The following UBXN11 variants were observed in gnomAD, a reference collection of about 807,000 sequenced individuals.
The protein encoded by UBXN11 is UBX domain protein 11.
Under a neutral mutation model 62.8 loss-of-function variants are expected in UBXN11, and 47 were observed. The ratio of observed to expected loss-of-function variants is 0.75; its 90% CI spans 0.59 to 0.95. The LOEUF (loss-of-function observed/expected upper bound fraction) is 0.95, where lower values mean the gene tolerates loss of function less well. Ranked by LOEUF, UBXN11 falls within the 40% of genes least tolerant of loss-of-function variation. The pLI is 0.00. For synonymous variants in UBXN11, 294 were observed against 267.0 expected, an observed-to-expected ratio of 1.10 and a Z score of -0.99; for missense variants, 638 against 661.7, an observed-to-expected ratio of 0.96 and a Z score of 0.39.
At chr1:26,284,681 A>G (rs1570080880) in intron 10 of UBXN11, 199 bp from the exon 11 acceptor site, 3 of 1,342,730 alleles carry the variant, frequency 2.2e-6, no homozygotes, top group Middle Eastern at 5.6e-4. Flanking sequence ...TCCTGTAAGC[A>G]CCCCATCCAC....
chr1:26,290,812 T>C (rs570716075), intron 8 of UBXN11, among the ~76,000 whole-genome samples: 21 of 139,496 alleles, frequency 1.5e-4, no homozygotes, highest in Non-Finnish European at 2.6e-4. Flanking sequence ...AACAGGGAAG[T>C]AGTGAGGAGT....
intron 14 of UBXN11, 22 bp from the exon 15 acceptor site, chr1:26,282,591 T>G: frequency 2.5e-6 from 4 of 1,610,928 alleles, no homozygotes; most frequent in Non-Finnish European, 3.4e-6. Context: ...GCAGAGCAGA[T>G]CAGGCTGGGC....
At chr1:26,301,050 C>T (rs1303524066) in intron 3 of UBXN11, 26 bp from the exon 4 acceptor site, 6 of 1,613,998 alleles carry the variant, frequency 3.7e-6, no homozygotes, top group Admixed American at 1.7e-5. Context: ...CCTAGGTCAC[C>T]GCTCTGGGGC....
In UBXN11 at chr1:26,286,173, C is replaced by T. The variant is rs117437771; in HGVS notation, c.560-136G>A. On this transcript the variant is annotated intron_variant, in intron 8 of 14. Transcript: ENST00000374222. ...ACTGACTGCCTGGGGAAAAGGACAA[C>T]GCTAGATAATAACAGCAGCTGTCTT... 1.8e-3 allele frequency: 1,289 copies of T among 699,096 alleles called. 48 individuals carry two copies. The East Asian group carries it at 0.037, about 20-fold the overall frequency. 43.3% of individuals were successfully genotyped at this position (699,096 alleles called of 1,614,324 possible).
intron 10 of UBXN11, chr1:26,284,751 G>T: frequency 8.0e-7 from 1 of 1,243,850 alleles, no homozygotes; most frequent in South Asian, 2.4e-5. Context: ...GGAGCCTACC[G>T]TGAAGGCAGA....
intron 4 of UBXN11, 92 bp downstream of exon 4, chr1:26,300,834 G>A (rs375263733): frequency 4.0e-5 from 63 of 1,588,150 alleles, no homozygotes; most frequent in East Asian, 1.6e-4. Flanking sequence ...CCAAACAGGC[G>A]AGAGGAAGGG....
At chr1:26,300,804 G>T in intron 4 of UBXN11, 122 bp downstream of exon 4, 1 of 1,502,958 alleles carries the variant, frequency 6.7e-7, no homozygotes, top group Non-Finnish European at 8.9e-7. Context: ...TCAGCCAGGA[G>T]TGGAAGCAGC....
chr1:26,301,185 GGCT>G, intron 3 of UBXN11, 161 bp from the exon 4 acceptor site: 3 of 1,393,564 alleles, frequency 2.2e-6, no homozygotes, highest in Non-Finnish European at 2.9e-6. Flanking sequence ...ACCAGAATGG[GGCT>G]GTTTTGGAGT....
intron 1 of UBXN11, among the ~76,000 whole-genome samples, chr1:26,314,687 G>A (rs940444710): frequency 2.0e-5 from 3 of 152,126 alleles, no homozygotes; most frequent in Non-Finnish European, 2.9e-5. Flanking sequence ...TCTGTGCTTC[G>A]CTGAGTAAGA....
intron 4 of UBXN11, among the ~76,000 whole-genome samples, chr1:26,298,957 G>A (rs972023304): frequency 1.7e-4 from 26 of 152,144 alleles, no homozygotes; most frequent in African/African-American, 6.0e-4. Flanking sequence ...TCAGTGGAAA[G>A]ATGGAGAAAC....
intron 8 of UBXN11, among the ~76,000 whole-genome samples, chr1:26,292,829 G>A (rs1442987148): frequency 6.6e-6 from 1 of 151,952 alleles, no homozygotes; most frequent in Non-Finnish European, 1.5e-5. Context: ...ACTCTAGCCT[G>A]GGCAACAAGA....
chr1:26,285,686 G>A, intron 9 of UBXN11, 137 bp downstream of exon 9: 1 of 1,371,738 alleles, frequency 7.3e-7, no homozygotes, highest in Non-Finnish European at 9.8e-7. Context: ...TTGGGAGAGG[G>A]GCCTCTGCAA....
upstream of UBXN11, among the ~76,000 whole-genome samples, chr1:26,308,935 A>ATTTTTTTTTTTTTTTTTTTTTT: frequency 9.2e-6 from 1 of 108,272 alleles, no homozygotes; most frequent in Non-Finnish European, 1.7e-5. Flanking sequence ...CAGTCGTTTG[A>ATTTTTTTTTTTTTTTTTTTTTT]TTTTTTTTTT....
chr1:26,285,251 G>C (rs567513372), intron 10 of UBXN11: 20 of 1,337,328 alleles, frequency 1.5e-5, no homozygotes, highest in Non-Finnish European at 1.7e-5. Context: ...CTGTCTCCAG[G>C]GTGCCAGCAG....
At chr1:26,302,422 G>A (rs955182756) in intron 2 of UBXN11, among the ~76,000 whole-genome samples, 4 of 147,148 alleles carry the variant, frequency 2.7e-5, no homozygotes, top group Non-Finnish European at 1.5e-5. Flanking sequence ...AGAGCAAGAA[G>A]GAAGAGAGGT....
rs2073022995 is a variant in UBXN11 at position 26,282,536 on chromosome 1, G to A, written c.1326C>T (p.Ser442=). ...VMDASAFEIF[S]TFPPTLYQDD... ...CCTGGTAGAGGGTGGGCGGGAATGTGCTGAAGATCTCAAAGGCAGAGGCAT... is the reference window on the plus strand; with the variant it reads ...CCTGGTAGAGGGTGGGCGGGAATGTACTGAAGATCTCAAAGGCAGAGGCAT... Residue 442 remains serine, a synonymous_variant, in exon 15 of 15, where the codon AGC becomes AGT. Transcript: ENST00000374222. The A allele has an allele frequency of 6.3e-7, 1 of 1,597,408 alleles. No homozygotes were observed. The highest frequency in any genetic ancestry group is 2.2e-5 in the East Asian group (1 of 44,538).
upstream of UBXN11, among the ~76,000 whole-genome samples, chr1:26,308,516 G>T (rs2073706182): frequency 6.6e-6 from 1 of 152,172 alleles, no homozygotes; most frequent in Non-Finnish European, 1.5e-5. Flanking sequence ...CGGAAAGTGT[G>T]ACTGGAGAGT....
intron 6 of UBXN11, 101 bp from the exon 7 acceptor site, chr1:26,297,096 C>A: frequency 7.4e-7 from 1 of 1,345,400 alleles, no homozygotes; most frequent in Non-Finnish European, 1.0e-6. Flanking sequence ...TGGGGATCCC[C>A]CAAGAACTGC....
intron 10 of UBXN11, chr1:26,284,879 T>C: frequency 9.9e-7 from 1 of 1,012,044 alleles, no homozygotes. Flanking sequence ...AGGTCCCCGC[T>C]GTGGCACGAA....
Sources: allele counts gnomAD v4.1 joint callset (sites outside exome capture counted in the v4.1 genomes callset), GRCh38; gene constraint gnomAD v4.1.1; transcripts MANE v1.5; gene names NCBI Gene and HGNC (gene_info 2026-07-23, HGNC 2026-07-21).